The following HEPACAM variants were observed in gnomAD, a reference collection of about 807,000 sequenced individuals.
HEPACAM encodes hepatocyte cell adhesion molecule.
A neutral mutation model predicts 38.3 loss-of-function variants in HEPACAM; 18 were observed. The observed-to-expected ratio is 0.47, with a 90% confidence interval of 0.33 to 0.70. The LOEUF (loss-of-function observed/expected upper bound fraction) is 0.70, where lower values mean the gene tolerates loss of function less well. HEPACAM is among the 30% of genes least tolerant of loss of function. The pLI is 0.03. For synonymous variants in HEPACAM, 216 were observed against 243.1 expected, an observed-to-expected ratio of 0.89 and a Z score of 1.04; for missense variants, 466 against 563.0, an observed-to-expected ratio of 0.83 and a Z score of 1.74.
intron 1 of HEPACAM, among the ~76,000 whole-genome samples, chr11:124,928,012 A>T (rs1338551658): frequency 6.6e-6 from 1 of 152,264 alleles, no homozygotes; most frequent in Non-Finnish European, 1.5e-5. Flanking sequence ...TGGGGCAAGT[A>T]AAATGAACAA....
At chr11:124,930,928 C>A (rs1947274661) in intron 1 of HEPACAM, among the ~76,000 whole-genome samples, 1 of 152,114 alleles carries the variant, frequency 6.6e-6, no homozygotes, top group African/African-American at 2.4e-5. Flanking sequence ...GACTTGAGGG[C>A]AGACACAGAT....
intron 6 of HEPACAM, 101 bp downstream of exon 6, chr11:124,922,287 T>G: frequency 8.0e-7 from 1 of 1,257,536 alleles, no homozygotes; most frequent in Non-Finnish European, 1.2e-6. Context: ...CGTTGGGGAC[T>G]GCTGCTATAA....
At position 124,923,960 on chromosome 11, in the gene HEPACAM, G is replaced by C; in HGVS notation, c.478C>G (p.Leu160Val). The C allele has an allele frequency of 6.2e-7, 1 of 1,612,018 alleles. No individual in the cohort carries two copies. ...VLVASTTVLE[L>V]SEAFTLNCSH... Reference sequence around the variant, plus strand: ...CAGTTCAAGGTGAAGGCCTCGCTGAGCTCCAGCACAGTGGTTGAAGCCACC... The same window carrying C: ...CAGTTCAAGGTGAAGGCCTCGCTGACCTCCAGCACAGTGGTTGAAGCCACC... Residue 160 changes from leucine (L) to valine (V), a missense_variant, in exon 3 of 7, where the codon CTC becomes GTC. By Grantham distance (32) the Leu-to-Val change is conservative. Transcript: ENST00000298251.
intron 4 of HEPACAM, 142 bp from the exon 5 acceptor site, chr11:124,922,960 A>C: frequency 1.2e-6 from 1 of 859,902 alleles, no homozygotes; most frequent in Admixed American, 1.9e-5. Context: ...TGAGCTTTGG[A>C]AGGAATCACA....
chr11:124,922,892 G>A, intron 4 of HEPACAM, 74 bp from the exon 5 acceptor site: 1 of 1,460,620 alleles, frequency 6.8e-7, no homozygotes, highest in South Asian at 1.1e-5. Context: ...GACACAGGGA[G>A]GGATCTGATG....
rs777817159 is a variant in HEPACAM, at chr11:124,925,037, C to T, written c.118G>A (p.Val40Met). 7.3e-5 allele frequency: 117 copies of T among 1,601,720 alleles called. No individual in the cohort carries two copies. The highest frequency in any genetic ancestry group is 6.1e-5 in the Non-Finnish European group (72 of 1,171,808). The part of the protein sequence containing the change: ...PLEGVNITSP[V>M]RLIHGTVGKS... ...CCCACGGTGCCATGGATCAGGCGCA[C>T]GGGGCTGGTGATGTTCACCCCCTCC... Residue 40 changes from valine (V) to methionine (M), a missense_variant, in exon 2 of 7, where the codon GTG becomes ATG. Val to Met is a conservative substitution (Grantham distance 21). Transcript: ENST00000298251.
chr11:124,925,614 A>C (rs1485166560), intron 1 of HEPACAM, among the ~76,000 whole-genome samples: 1 of 152,162 alleles, frequency 6.6e-6, no homozygotes, highest in Non-Finnish European at 1.5e-5. Context: ...CAGTAAAGGG[A>C]AAGTTTAGGG....
chr11:124,935,792 G>A, intron 1 of HEPACAM, 130 bp downstream of exon 1: 1 of 771,754 alleles, frequency 1.3e-6, no homozygotes. Flanking sequence ...TCCCTGACAT[G>A]TTTCCCACGG....
Position 124,921,282 on chromosome 11 carries a change from TG to T in HEPACAM, c.1106del (p.Pro369GlnfsTer34). On this transcript the variant is annotated frameshift_variant, in exon 7 of 7. Coordinates refer to ENST00000298251, the MANE Select transcript of HEPACAM (RefSeq NM_152722.5). LOFTEE classifies it high-confidence loss of function. The surrounding 1 kb of genome is among the most constrained non-coding windows in gnomAD (Gnocchi z 4.6). ...RRYPRSPARS[P>X]ATGRTHSSPP... is the part of the protein sequence containing the mutation. ...GCGACGAGTGTGTCCGGCCGGTGGC[TG>T]GGGAGCGCGCTGGGGAGCGCGGGTA... 2 of 1,346,088 alleles carry T rather than the reference TG, an allele frequency of 1.5e-6. No homozygotes were observed. Among genetic ancestry groups the T allele is most frequent in the Middle Eastern group, 2.7e-4 (1 of 3,680 alleles). The allele number at this position is 1,346,088 out of a possible 1,614,324, so 83.4% of individuals were successfully genotyped here. A position where few individuals can be genotyped will look rare whatever the true frequency, so the allele number is the denominator to read the frequency against.
Position 124,924,796 on chromosome 11 carries a change from T to C in HEPACAM, c.359A>G (p.Tyr120Cys), listed in dbSNP as rs1565339091. The change falls in exon 2 of 7, where the codon TAT becomes TGT. Residue 120 changes from tyrosine (Y) to cysteine (C), a missense_variant. Transcript: ENST00000298251. The surrounding 1 kb of genome is among the most constrained non-coding windows in gnomAD (Gnocchi z 4.4). ...GTCGGTGATGGAGATCTCGACCTCA[T>C]AGGTGCCCTCATCGGCCAGCTGCAG... ...SDLQLADEGTYEVEISITDDT... is the reference protein window; with the variant it reads ...SDLQLADEGTCEVEISITDDT... 1.2e-6 allele frequency: 2 copies of C among 1,614,070 alleles called. No individual in the cohort carries two copies. The highest frequency in any genetic ancestry group is 1.7e-6 in the Non-Finnish European group (2 of 1,180,002).
chr11:124,927,623 C>T (rs3924274), intron 1 of HEPACAM, among the ~76,000 whole-genome samples: 11,708 of 150,792 alleles, frequency 0.078, 1,048 homozygotes, highest in East Asian at 0.45. Flanking sequence ...CCCGTGTTGG[C>T]CTCCCAAAGT....
Position 124,920,570 on chromosome 11 carries a change from C to T in HEPACAM, c.*568G>A. 1.5e-6 allele frequency: 2 copies of T among 1,305,050 alleles called. No individual in the cohort carries two copies. Among genetic ancestry groups the T allele is most frequent in the South Asian group, 1.6e-5 (1 of 62,740 alleles). 80.8% of individuals were successfully genotyped at this position (1,305,050 alleles called of 1,614,324 possible). On this transcript the variant is annotated 3_prime_UTR_variant, in exon 7 of 7. Transcript: ENST00000298251. Reference sequence around the variant, plus strand: ...CAGGGAAGAAGGCCTTCACAATGATCCCCCCAGCTCAGAACAGCCCCTGCA... The same window carrying T: ...CAGGGAAGAAGGCCTTCACAATGATTCCCCCAGCTCAGAACAGCCCCTGCA...
At position 124,919,786 on chromosome 11, in the gene HEPACAM, TG is replaced by T; in HGVS notation, c.*1351del. The T allele has an allele frequency of 6.2e-7, 1 of 1,614,108 alleles. No homozygotes were observed. The highest frequency in any genetic ancestry group is 1.1e-5 in the South Asian group (1 of 91,066). Reference sequence around the variant, plus strand: ...GGGGCCTTGGAATTGCTCCATGGGTTGATGGCGAATCAGAGCTGGAGTTTAG... The same window carrying T: ...GGGGCCTTGGAATTGCTCCATGGGTTATGGCGAATCAGAGCTGGAGTTTAG... On this transcript the variant is annotated 3_prime_UTR_variant, in exon 7 of 7. Coordinates refer to ENST00000298251, the MANE Select transcript of HEPACAM (RefSeq NM_152722.5).
At chr11:124,923,112 G>C (rs965271503) in intron 4 of HEPACAM, among the ~76,000 whole-genome samples, 1 of 152,156 alleles carries the variant, frequency 6.6e-6, no homozygotes, top group Non-Finnish European at 1.5e-5. Flanking sequence ...CACAGTGCCT[G>C]GTCCCAAAAA....
Position 124,924,935 on chromosome 11 carries a change from C to T in HEPACAM, c.220G>A (p.Asp74Asn), listed in dbSNP as rs779641786. ...GACTGCACCACGGTCACTGGCTTGT[C>T]CCGCTTCAGCTGCCACTTCACTACA... is the stretch of plus-strand genomic sequence containing the variant. ...RPVVKWQLKR[D>N]KPVTVVQSIG... Residue 74 changes from aspartate to asparagine, a missense_variant, in exon 2 of 7, where the codon GAC becomes AAC. Asp to Asn is a conservative substitution (Grantham distance 23). Coordinates refer to ENST00000298251, the MANE Select transcript of HEPACAM (RefSeq NM_152722.5). This position sits in a 1 kb window ranked among gnomAD's most constrained non-coding sequence, Gnocchi z 4.4. 44 of 1,613,782 alleles carry T rather than the reference C, an allele frequency of 2.7e-5. No individual in the cohort carries two copies. In the South Asian group the frequency reaches 4.6e-4, roughly 17 times the overall value.
Position 124,920,898 on chromosome 11 carries a change from G to C in HEPACAM, c.*240C>G. 3 of 1,350,820 alleles carry C rather than the reference G, an allele frequency of 2.2e-6. No homozygotes were observed. The highest frequency in any genetic ancestry group is 1.9e-6 in the Non-Finnish European group (2 of 1,053,834). The allele number at this position is 1,350,820 out of a possible 1,614,324, so 83.7% of individuals were successfully genotyped here. ...CCTAAGAGGGCACAACCTATACCAAGTGAGGACACAGCCAGTAAACCGGAA... is the reference window on the plus strand; with the variant it reads ...CCTAAGAGGGCACAACCTATACCAACTGAGGACACAGCCAGTAAACCGGAA... On this transcript the variant is annotated 3_prime_UTR_variant, in exon 7 of 7. Coordinates refer to ENST00000298251, the MANE Select transcript of HEPACAM (RefSeq NM_152722.5).
At chr11:124,926,876 A>AT (rs1000069604) in intron 1 of HEPACAM, among the ~76,000 whole-genome samples, 3 of 150,240 alleles carry the variant, frequency 2.0e-5, no homozygotes, top group Admixed American at 6.6e-5. Context: ...CAAAAAAAAA[A>AT]TTTTTTTTTT....
Position 124,921,160 on chromosome 11 carries a change from C to T in HEPACAM, c.1229G>A (p.Gly410Asp). ...GGCTCAGGCGCTGATCTCCACCGGG[C>T]CGGCCTCGTCTTGCTCGCGGATTAT... ...VHIIREQDEA[G>D]PVEISA Residue 410 changes from glycine (G) to aspartate (D), a missense_variant, in exon 7 of 7, where the codon GGC becomes GAC. Coordinates refer to ENST00000298251, the MANE Select transcript of HEPACAM (RefSeq NM_152722.5). This position sits in a 1 kb window ranked among gnomAD's most constrained non-coding sequence, Gnocchi z 4.6. 1 of 1,528,052 alleles carries T rather than the reference C, an allele frequency of 6.5e-7. No homozygotes were observed. The highest frequency in any genetic ancestry group is 2.5e-5 in the East Asian group (1 of 40,166). The allele number at this position is 1,528,052 out of a possible 1,614,324, so 94.7% of individuals were successfully genotyped here.
chr11:124,920,895 C>T lies in HEPACAM; in HGVS notation c.*243G>A. The T allele has an allele frequency of 7.4e-7, 1 of 1,346,780 alleles. No individual in the cohort carries two copies. The highest frequency in any genetic ancestry group is 9.5e-7 in the Non-Finnish European group (1 of 1,051,616). The allele number at this position is 1,346,780 out of a possible 1,614,324, so 83.4% of individuals were successfully genotyped here. On this transcript the variant is annotated 3_prime_UTR_variant, in exon 7 of 7. Coordinates refer to ENST00000298251, the MANE Select transcript of HEPACAM (RefSeq NM_152722.5). ...GGTCCTAAGAGGGCACAACCTATAC[C>T]AAGTGAGGACACAGCCAGTAAACCG...
Sources: gnomAD v4.1 joint callset for allele counts (sites outside exome capture counted in the v4.1 genomes callset) on GRCh38, gnomAD v4.1.1 for gene constraint, Gnocchi (gnomAD v3.1) non-coding constraint, MANE v1.5 for transcripts, NCBI Gene and HGNC (gene_info 2026-07-23, HGNC 2026-07-21) for gene names.